Variants in FLRT2 observed in about 807,000 individuals in gnomAD.
FLRT2 encodes leucine-rich repeat transmembrane protein FLRT2.
FLRT2 carries 15 observed loss-of-function variants against 40.0 expected under a neutral mutation model. The ratio of observed to expected loss-of-function variants is 0.38; its 90% CI spans 0.25 to 0.58. The LOEUF (loss-of-function observed/expected upper bound fraction) is 0.58, where lower values mean the gene tolerates loss of function less well. Among genes scored for constraint, FLRT2 ranks in the 20% least tolerant of loss-of-function variants. The pLI, the probability that FLRT2 is intolerant of heterozygous loss-of-function variation, is 0.71. For missense variants in FLRT2, 726 were observed against 840.0 expected (o/e 0.86, Z 1.68); for synonymous variants, 380 against 336.8 (o/e 1.13, Z -1.41).
At chr14:85,588,089 T>C (rs74070128) in intron 1 of FLRT2, among the ~76,000 whole-genome samples, 22,157 of 152,078 alleles carry the variant, frequency 0.15, 1,726 homozygotes, top group South Asian at 0.23. Context: ...TTATTGATGA[T>C]GATGATGGGA....
chr14:85,565,923 G>A (rs547750431), intron 1 of FLRT2, among the ~76,000 whole-genome samples: 1 of 152,166 alleles, frequency 6.6e-6, no homozygotes, highest in Non-Finnish European at 1.5e-5. Flanking sequence ...AAACTTCATT[G>A]TTTGGGGAAT....
chr14:85,627,770 GTT>G lies in FLRT2; in HGVS notation c.*4275_*4276del, dbSNP rs1893752770. 1 of 167,054 alleles carries G rather than the reference GTT, an allele frequency of 6.0e-6. No homozygotes were observed. Among genetic ancestry groups the G allele is most frequent in the South Asian group, 2.1e-4 (1 of 4,826 alleles). 10.3% of individuals were successfully genotyped at this position (167,054 alleles called of 1,614,324 possible). The stretch of plus-strand genomic sequence containing the variant: ...ATATGCTGATTTGCTTCTGGTTTCT[GTT>G]TAGTGTGTTCTCTCTGATAAGGGGC... On this transcript the variant is annotated 3_prime_UTR_variant, in exon 2 of 2. Transcript: ENST00000330753.
At chr14:85,608,026 C>G (rs1318774228) in intron 1 of FLRT2, among the ~76,000 whole-genome samples, 2 of 152,078 alleles carry the variant, frequency 1.3e-5, no homozygotes, top group Non-Finnish European at 2.9e-5. Context: ...ATCTCCTCTT[C>G]CTGTACAGAC....
intron 1 of FLRT2, among the ~76,000 whole-genome samples, chr14:85,579,302 T>G (rs1430288668): frequency 1.3e-5 from 2 of 152,172 alleles, no homozygotes; most frequent in African/African-American, 4.8e-5. Context: ...TATTTTGAAA[T>G]GTGTGTCTTC....
At chr14:85,572,246 T>G (rs1566734481) in intron 1 of FLRT2, among the ~76,000 whole-genome samples, 1 of 152,208 alleles carries the variant, frequency 6.6e-6, no homozygotes, top group Non-Finnish European at 1.5e-5. Context: ...CTTAAGTGGC[T>G]TATCTTCCAT....
At position 85,577,080 on chromosome 14, in the gene FLRT2, C is replaced by T. The variant is rs145867340; in HGVS notation, c.-376-44059C>T. ...TTCAAACCTCAAAATAAACGATGAG[C>T]GATTTGTAATGCATTACCACTTGCG... On this transcript the variant is annotated intron_variant, in intron 1 of 1. Transcript: ENST00000330753. Among the ~76,000 whole-genome samples, 50 of 152,184 alleles carry T rather than the reference C, an allele frequency of 3.3e-4. 1 individual carries two copies. In the East Asian group the frequency reaches 7.9e-3, roughly 24 times the overall value.
rs911158365 is a variant in FLRT2 at position 85,649,234 on chromosome 14, C to A, written c.*25737C>A. The stretch of plus-strand genomic sequence containing the variant: ...CCAGAAAGCCCCTATGTATTTATTC[C>A]GGTTAACAATTTTACTTGAGTAGAA... On this transcript the variant is annotated 3_prime_UTR_variant, in exon 2 of 2. Coordinates refer to ENST00000330753, the MANE Select transcript of FLRT2 (RefSeq NM_013231.6). 5.7e-5 allele frequency: 5 copies of A among 87,602 alleles called. No individual in the cohort carries two copies. Among genetic ancestry groups the A allele is most frequent in the African/African-American group, 2.8e-4 (5 of 17,936 alleles). The allele number at this position is 87,602 out of a possible 1,614,324, so 5.4% of individuals were successfully genotyped here.
At chr14:85,599,325 T>C (rs1285934407) in intron 1 of FLRT2, among the ~76,000 whole-genome samples, 1 of 149,882 alleles carries the variant, frequency 6.7e-6, no homozygotes, top group African/African-American at 2.5e-5. Flanking sequence ...AGGTCAGAAA[T>C]GGCCATATTT....
In FLRT2 at chr14:85,591,236, C is replaced by T. The variant is rs990146994; in HGVS notation, c.-376-29903C>T. ...ATTAGTTCATTTATCAGCCATCAAT[C>T]AATATTTAAAATACGGTAAGAAGAA... is the stretch of plus-strand genomic sequence containing the variant. On this transcript the variant is annotated intron_variant, in intron 1 of 1. Coordinates refer to ENST00000330753, the MANE Select transcript of FLRT2 (RefSeq NM_013231.6). 6.6e-5 allele frequency among the ~76,000 whole-genome samples: 10 copies of T among 152,122 alleles called. No homozygotes were observed. The South Asian group carries it at 2.1e-3, about 32-fold the overall frequency.
At chr14:85,561,193 C>G (rs1890296807) in intron 1 of FLRT2, 2 of 152,156 alleles carry the variant, frequency 1.3e-5, no homozygotes, top group Admixed American at 1.3e-4. Context: ...CTCGCAGTTT[C>G]AGAAGCTATC....
chr14:85,562,741 C>T (rs1415338241), intron 1 of FLRT2: 10 of 149,388 alleles, frequency 6.7e-5, no homozygotes, highest in African/African-American at 2.2e-4. Flanking sequence ...GAAAGAATGT[C>T]GTCACATGAT....
In FLRT2 at chr14:85,539,042, G is replaced by A. The variant is rs555655629; in HGVS notation, c.-377+8508G>A. 2.6e-3 allele frequency among the ~76,000 whole-genome samples: 392 copies of A among 152,162 alleles called. 1 individual carries two copies. The highest frequency in any genetic ancestry group is 9.2e-3 in the African/African-American group (381 of 41,510). On this transcript the variant is annotated intron_variant, in intron 1 of 1. Transcript: ENST00000330753. ...AAGTGGAGGTAAGAGGTTTGTTTGC[G>A]TGCATAGGGGCCATAGAGGTTCCAG... is the stretch of plus-strand genomic sequence containing the variant.
Position 85,623,570 on chromosome 14 carries a change from C to T in FLRT2, c.*73C>T. 1 of 1,188,806 alleles carries T rather than the reference C, an allele frequency of 8.4e-7. No individual in the cohort carries two copies. The highest frequency in any genetic ancestry group is 1.1e-6 in the Non-Finnish European group (1 of 895,842). 73.6% of individuals were successfully genotyped at this position (1,188,806 alleles called of 1,614,324 possible). A position where few individuals can be genotyped will look rare whatever the true frequency, so the allele number is the denominator to read the frequency against. ...ACACACTCGTGTGTGCACATAAAGACACGCAGATTACATTTGATAAATGTT... is the reference window on the plus strand; with the variant it reads ...ACACACTCGTGTGTGCACATAAAGATACGCAGATTACATTTGATAAATGTT... On this transcript the variant is annotated 3_prime_UTR_variant, in exon 2 of 2. Transcript: ENST00000330753.
intron 1 of FLRT2, among the ~76,000 whole-genome samples, chr14:85,560,539 C>T (rs1220310114): frequency 2.0e-5 from 3 of 151,884 alleles, no homozygotes; most frequent in African/African-American, 7.3e-5. Context: ...CGAGATCGCA[C>T]CACTGCACTC....
chr14:85,547,670 A>T (rs1401637833), intron 1 of FLRT2, among the ~76,000 whole-genome samples: 1 of 152,160 alleles, frequency 6.6e-6, no homozygotes. Flanking sequence ...TATGAACCCC[A>T]CAAGTCTGAG....
Position 85,630,351 on chromosome 14 carries a change from G to A in FLRT2, c.*6854G>A, listed in dbSNP as rs1418198758. On this transcript the variant is annotated 3_prime_UTR_variant, in exon 2 of 2. Coordinates refer to ENST00000330753, the MANE Select transcript of FLRT2 (RefSeq NM_013231.6). ...GACGAAAACCTCAATATATCCTTAG[G>A]GGAATTCTTATTACTTCAATGACAT... The A allele has an allele frequency of 7.1e-6, 1 of 141,102 alleles. No homozygotes were observed. The highest frequency in any genetic ancestry group is 2.7e-5 in the African/African-American group (1 of 37,128). The allele number at this position is 141,102 out of a possible 1,614,324, so 8.7% of individuals were successfully genotyped here.
chr14:85,584,433 G>C (rs927663526), intron 1 of FLRT2, among the ~76,000 whole-genome samples: 4 of 152,210 alleles, frequency 2.6e-5, no homozygotes, highest in African/African-American at 9.6e-5. Context: ...TCTTAATTCT[G>C]TATTTCTGTA....
rs750194525 is a variant in FLRT2 at position 85,622,666 on chromosome 14, C to T, written c.1152C>T (p.Pro384=). The change falls in exon 2 of 2, where the codon CCC becomes CCT. Residue 384 remains proline, a synonymous_variant. Transcript: ENST00000330753. Reference sequence around the variant, plus strand: ...CAGCTTCTCCGACCACTCAGCCTCCCACCCTCTCTATTCCAAACCCTAGCA... The same window carrying T: ...CAGCTTCTCCGACCACTCAGCCTCCTACCCTCTCTATTCCAAACCCTAGCA... The part of the protein sequence containing the change: ...PSTASPTTQP[P]TLSIPNPSRS... The T allele has an allele frequency of 2.5e-6, 4 of 1,614,056 alleles. No individual in the cohort carries two copies. Among genetic ancestry groups the T allele is most frequent in the Non-Finnish European group, 2.5e-6 (3 of 1,180,030 alleles).
intron 1 of FLRT2, among the ~76,000 whole-genome samples, chr14:85,540,461 T>G (rs1462155736): frequency 6.6e-6 from 1 of 152,180 alleles, no homozygotes; most frequent in African/African-American, 2.4e-5. Flanking sequence ...AGTGAGCATG[T>G]TTATTTCTCT....
Sources: allele counts gnomAD v4.1 joint callset (sites outside exome capture counted in the v4.1 genomes callset), GRCh38; gene constraint gnomAD v4.1.1; transcripts MANE v1.5; gene names NCBI Gene and HGNC (gene_info 2026-07-23, HGNC 2026-07-21).